GSK3B: variants seen among roughly 807,000 people sequenced by gnomAD.
The protein encoded by GSK3B is glycogen synthase kinase-3 beta.
In GSK3B, 15 loss-of-function variants were observed where a neutral mutation model predicts 56.4. The ratio of observed to expected loss-of-function variants is 0.27; its 90% CI spans 0.18 to 0.41. The LOEUF (loss-of-function observed/expected upper bound fraction) is 0.41, where lower values mean the gene tolerates loss of function less well. Among genes scored for constraint, GSK3B ranks in the 10% least tolerant of loss-of-function variants. The probability of loss-of-function intolerance (pLI) is 1.00; values close to 1 mark genes in which losing one functional copy is unlikely to be tolerated. For missense variants in GSK3B, 300 were observed against 513.4 expected (o/e 0.58, Z 4.02); for synonymous variants, 181 against 188.9 (o/e 0.96, Z 0.34).
At chr3:119,863,724 G>A in intron 8 of GSK3B, 119 bp from the exon 9 acceptor site, 1 of 638,488 alleles carries the variant, frequency 1.6e-6, no homozygotes, top group Non-Finnish European at 2.8e-6. Flanking sequence ...ATTTGGGAAA[G>A]GACCTTCTAG....
intron 1 of GSK3B, among the ~76,000 whole-genome samples, chr3:120,061,980 C>T (rs931540874): frequency 7.9e-5 from 12 of 152,104 alleles, no homozygotes; most frequent in African/African-American, 1.4e-4. Flanking sequence ...GATCTGCCCG[C>T]CTTGGCCTCC....
At chr3:119,897,824 G>GAAAAAC in intron 7 of GSK3B, among the ~76,000 whole-genome samples, 1 of 145,160 alleles carries the variant, frequency 6.9e-6, no homozygotes, top group African/African-American at 2.6e-5. Flanking sequence ...AAAAGAAAAA[G>GAAAAAC]AAAGATTGTC....
intron 8 of GSK3B, among the ~76,000 whole-genome samples, chr3:119,872,212 G>C (rs1026630290): frequency 2.0e-5 from 3 of 152,084 alleles, no homozygotes; most frequent in Non-Finnish European, 4.4e-5. Flanking sequence ...TAAAACTTGG[G>C]AAAGAGCCTG....
chr3:120,078,563 T>C (rs2058386290), intron 1 of GSK3B, among the ~76,000 whole-genome samples: 1 of 151,748 alleles, frequency 6.6e-6, no homozygotes, highest in African/African-American at 2.4e-5. Flanking sequence ...TTTTTTTTCT[T>C]TTTTTTCTGA....
At chr3:120,062,300 G>A (rs1236922362) in intron 1 of GSK3B, among the ~76,000 whole-genome samples, 1 of 152,044 alleles carries the variant, frequency 6.6e-6, no homozygotes, top group Non-Finnish European at 1.5e-5. Flanking sequence ...TTTAAAGTAT[G>A]TTACATGTAC....
rs375607857 is a variant in GSK3B, at chr3:120,060,467, C to T, written c.88+32880G>A. ...TCTTGGCCAGGTACAGTGGCTCACCCCTGTAATCTCAGCACTTAGGGAGCC... is the reference window on the plus strand; with the variant it reads ...TCTTGGCCAGGTACAGTGGCTCACCTCTGTAATCTCAGCACTTAGGGAGCC... On this transcript the variant is annotated intron_variant, in intron 1 of 10. Coordinates refer to ENST00000264235, the MANE Select transcript of GSK3B (RefSeq NM_001146156.2). Among the ~76,000 whole-genome samples the T allele has an allele frequency of 6.6e-5, 10 of 152,184 alleles. No homozygotes were observed. The East Asian group carries it at 1.5e-3, about 23-fold the overall frequency.
At chr3:119,977,758 G>A (rs1352122630) in intron 2 of GSK3B, among the ~76,000 whole-genome samples, 4 of 152,094 alleles carry the variant, frequency 2.6e-5, no homozygotes, top group African/African-American at 9.7e-5. Context: ...AAATTTAAGA[G>A]AGTATAAAAC....
intron 2 of GSK3B, among the ~76,000 whole-genome samples, chr3:119,951,611 A>G (rs1042077003): frequency 1.3e-5 from 2 of 152,166 alleles, no homozygotes; most frequent in Non-Finnish European, 2.9e-5. Context: ...ATATTATATA[A>G]TATGTTCAAT....
chr3:119,896,127 C>CAAAAA (rs1161729921), intron 7 of GSK3B, among the ~76,000 whole-genome samples: 164 of 59,034 alleles, frequency 2.8e-3, no homozygotes, highest in Middle Eastern at 0.01. Context: ...GACTCTGTCT[C>CAAAAA]AAAAAAAAAA....
At chr3:120,001,627 A>C (rs2057677863) in intron 2 of GSK3B, among the ~76,000 whole-genome samples, 1 of 152,218 alleles carries the variant, frequency 6.6e-6, no homozygotes, top group African/African-American at 2.4e-5. Context: ...AAACAGACTA[A>C]CACAAGTTGC....
chr3:119,950,984 T>C (rs1352824985), intron 2 of GSK3B, among the ~76,000 whole-genome samples: 1 of 151,810 alleles, frequency 6.6e-6, no homozygotes, highest in Non-Finnish European at 1.5e-5. Context: ...AATAGCAAAT[T>C]TGGAAGGACA....
At chr3:120,073,027 G>A (rs965050610) in intron 1 of GSK3B, among the ~76,000 whole-genome samples, 2 of 151,996 alleles carry the variant, frequency 1.3e-5, no homozygotes, top group African/African-American at 2.4e-5. Flanking sequence ...TCCAGGCTCT[G>A]CCACCTGCTG....
chr3:119,963,625 C>CAAAAAAAAAAAAAAAAAAAAAA (rs774359104), intron 2 of GSK3B, among the ~76,000 whole-genome samples: 6 of 79,160 alleles, frequency 7.6e-5, no homozygotes, highest in South Asian at 4.6e-4. Context: ...TTCTTCCCCA[C>CAAAAAAAAAAAAAAAAAAAAAA]AAAAAAAAAA....
chr3:119,830,803 A>G (rs890619610), intron 10 of GSK3B, among the ~76,000 whole-genome samples: 1 of 152,224 alleles, frequency 6.6e-6, no homozygotes, highest in Non-Finnish European at 1.5e-5. Flanking sequence ...TATTTAATCT[A>G]TCTCTCATTT....
chr3:119,908,344 T>G (rs1327367598), intron 6 of GSK3B, among the ~76,000 whole-genome samples: 1 of 152,212 alleles, frequency 6.6e-6, no homozygotes, highest in Non-Finnish European at 1.5e-5. Context: ...GAATAAAATG[T>G]AAAGCAGCTG....
In GSK3B at chr3:119,863,296, A is replaced by G. The variant is rs555700475; in HGVS notation, c.1096+123T>C. ...GTAAGTTAGAAAGGATGCTCTTTTC[A>G]CCTACCTAAGTACTTAATATGTCCG... On this transcript the variant is annotated intron_variant, in intron 9 of 10. Coordinates refer to ENST00000264235, the MANE Select transcript of GSK3B (RefSeq NM_001146156.2). The G allele has an allele frequency of 2.3e-4, 174 of 752,138 alleles. 3 individuals carry two copies. In the South Asian group the frequency reaches 2.9e-3, roughly 13 times the overall value. 46.6% of individuals were successfully genotyped at this position (752,138 alleles called of 1,614,324 possible).
intron 10 of GSK3B, among the ~76,000 whole-genome samples, chr3:119,837,683 A>C (rs2055712073): frequency 6.6e-6 from 1 of 151,826 alleles, no homozygotes; most frequent in African/African-American, 2.4e-5. Context: ...AAACTGCTCT[A>C]GTTGAAATTC....
intron 2 of GSK3B, among the ~76,000 whole-genome samples, chr3:119,967,834 T>TTC (rs202156812): frequency 0.24 from 28,280 of 118,466 alleles, 3,553 homozygotes; most frequent in Non-Finnish European, 0.32. Flanking sequence ...CTCTTTCTCT[T>TTC]TCTCTCTCTC....
chr3:119,830,102 C>T (rs1486315309), intron 10 of GSK3B, among the ~76,000 whole-genome samples: 2 of 152,138 alleles, frequency 1.3e-5, no homozygotes, highest in African/African-American at 4.8e-5. Context: ...AAATTCAATA[C>T]TCAATAGTAG....
Sources: allele counts gnomAD v4.1 joint callset (sites outside exome capture counted in the v4.1 genomes callset), GRCh38; gene constraint gnomAD v4.1.1; transcripts MANE v1.5; gene names NCBI Gene and HGNC (gene_info 2026-07-23, HGNC 2026-07-21).